The following PPP3CA variants were observed in gnomAD, a reference collection of about 807,000 sequenced individuals.
The protein encoded by PPP3CA is CAM-PRP catalytic subunit.
Under a neutral mutation model 66.5 loss-of-function variants are expected in PPP3CA, and 14 were observed. That is an observed-to-expected ratio of 0.21 (90% CI 0.14 to 0.33). PPP3CA has a LOEUF of 0.33. Among genes scored for constraint, PPP3CA ranks in the 10% least tolerant of loss-of-function variants. PPP3CA has a pLI of 1.00. For synonymous variants in PPP3CA, 232 were observed against 226.2 expected (o/e 1.03, Z -0.23); for missense variants, 317 against 639.5 (o/e 0.50, Z 5.44).
At position 101,293,272 on chromosome 4, in the gene PPP3CA, T is replaced by C. The variant is rs74382929; in HGVS notation, c.58+53467A>G. ...CTGCTTGCTCAATCACAGGTAATAA[T>C]ATTATCCCCCCTTTTCTGTCTTCCC... On this transcript the variant is annotated intron_variant, in intron 1 of 13. Coordinates refer to ENST00000394854, the MANE Select transcript of PPP3CA (RefSeq NM_000944.5). 3.3e-5 allele frequency among the ~76,000 whole-genome samples: 5 copies of C among 152,292 alleles called. No individual in the cohort carries two copies. In the East Asian group the frequency reaches 9.7e-4, roughly 29 times the overall value.
At chr4:101,331,972 C>A (rs17031172) in intron 1 of PPP3CA, among the ~76,000 whole-genome samples, 16,146 of 151,998 alleles carry the variant, frequency 0.11, 2,914 homozygotes, top group African/African-American at 0.37. Context: ...AATCCTAGTG[C>A]CAATGTGACA....
intron 1 of PPP3CA, among the ~76,000 whole-genome samples, chr4:101,236,567 GC>G (rs1726139094): frequency 6.6e-6 from 1 of 151,928 alleles, no homozygotes; most frequent in Admixed American, 6.6e-5. Context: ...AGAGCAAGGG[GC>G]AAGAATGGGA....
intron 1 of PPP3CA, among the ~76,000 whole-genome samples, chr4:101,340,327 T>C (rs1266331127): frequency 1.3e-5 from 2 of 152,168 alleles, no homozygotes; most frequent in African/African-American, 4.8e-5. Context: ...CAAAGTTCTA[T>C]TCCTCTCTAT....
chr4:101,325,013 G>C (rs1438217295), intron 1 of PPP3CA, among the ~76,000 whole-genome samples: 2 of 152,172 alleles, frequency 1.3e-5, no homozygotes, highest in African/African-American at 4.8e-5. Context: ...CACTTGGGAT[G>C]CTTGAAAAAC....
At chr4:101,105,254 C>T (rs903291901) in intron 3 of PPP3CA, among the ~76,000 whole-genome samples, 5 of 151,150 alleles carry the variant, frequency 3.3e-5, no homozygotes, top group Non-Finnish European at 4.4e-5. Flanking sequence ...GCAACCTCCG[C>T]CTCCTGGGTT....
rs192500415 is a variant in PPP3CA, at chr4:101,128,745, C to T, written c.260-19667G>A. On this transcript the variant is annotated intron_variant, in intron 2 of 13. Transcript: ENST00000394854. ...TACTACGCTTTCCCCACGGCCTTTG[C>T]GACCCATAAACCAAGAGATTCCCTC... is the stretch of plus-strand genomic sequence containing the variant. Among the ~76,000 whole-genome samples the T allele has an allele frequency of 2.3e-3, 353 of 152,204 alleles. 1 individual carries two copies. The highest frequency in any genetic ancestry group is 5.9e-3 in the Admixed American group (90 of 15,294).
At chr4:101,110,770 T>C (rs1721643268) in intron 2 of PPP3CA, among the ~76,000 whole-genome samples, 1 of 152,214 alleles carries the variant, frequency 6.6e-6, no homozygotes, top group African/African-American at 2.4e-5. Context: ...TAATCATATG[T>C]GATATCTAAA....
chr4:101,086,134 GA>G (rs1369745456), intron 6 of PPP3CA, among the ~76,000 whole-genome samples: 1 of 151,960 alleles, frequency 6.6e-6, no homozygotes, highest in East Asian at 1.9e-4. Flanking sequence ...AAAACACATT[GA>G]AGATAAAATA....
chr4:101,106,795 T>C (rs1487773432), intron 3 of PPP3CA, among the ~76,000 whole-genome samples: 1 of 152,162 alleles, frequency 6.6e-6, no homozygotes, highest in Non-Finnish European at 1.5e-5. Context: ...GATGTAGCCA[T>C]CTTGGGTTAC....
intron 2 of PPP3CA, among the ~76,000 whole-genome samples, chr4:101,117,274 T>C (rs1721865877): frequency 6.6e-6 from 1 of 151,900 alleles, no homozygotes; most frequent in South Asian, 2.1e-4. Context: ...TGTAATCAGA[T>C]GGAAACAAAA....
At chr4:101,270,618 G>A (rs892429275) in intron 1 of PPP3CA, among the ~76,000 whole-genome samples, 1 of 152,118 alleles carries the variant, frequency 6.6e-6, no homozygotes, top group African/African-American at 2.4e-5. Context: ...CATAATTAAA[G>A]TACATCTTCT....
At chr4:101,308,155 T>C (rs1728605384) in intron 1 of PPP3CA, among the ~76,000 whole-genome samples, 1 of 152,224 alleles carries the variant, frequency 6.6e-6, no homozygotes, top group Admixed American at 6.5e-5. Context: ...CATAGATTCA[T>C]ACAACAAATG....
At chr4:101,279,560 T>C (rs184823288) in intron 1 of PPP3CA, among the ~76,000 whole-genome samples, 65 of 152,312 alleles carry the variant, frequency 4.3e-4, no homozygotes, top group African/African-American at 1.5e-3. Context: ...TGGTTAATGC[T>C]GTATATAACT....
chr4:101,075,272 A>C (rs946018146), intron 8 of PPP3CA, among the ~76,000 whole-genome samples: 1 of 152,150 alleles, frequency 6.6e-6, no homozygotes, highest in Non-Finnish European at 1.5e-5. Context: ...AACTACTTTA[A>C]TATTGAATTG....
At chr4:101,109,771 A>C (rs372060414) in intron 2 of PPP3CA, among the ~76,000 whole-genome samples, 1 of 152,116 alleles carries the variant, frequency 6.6e-6, no homozygotes, top group East Asian at 1.9e-4. Context: ...ATACAAAAAA[A>C]ATTACTGGGA....
chr4:101,141,198 C>A (rs887958061), intron 2 of PPP3CA, among the ~76,000 whole-genome samples: 1 of 151,978 alleles, frequency 6.6e-6, no homozygotes, highest in Non-Finnish European at 1.5e-5. Flanking sequence ...GGTGAAACCC[C>A]GCCTCTACTA....
Position 101,330,242 on chromosome 4 carries a change from C to T in PPP3CA, c.58+16497G>A, listed in dbSNP as rs769729123. On this transcript the variant is annotated intron_variant, in intron 1 of 13. Coordinates refer to ENST00000394854, the MANE Select transcript of PPP3CA (RefSeq NM_000944.5). ...ATATGTGGTAGAAATATCAAGAGAACTAGAATTAAAAGTGAATCCTGAAGA... is the reference window on the plus strand; with the variant it reads ...ATATGTGGTAGAAATATCAAGAGAATTAGAATTAAAAGTGAATCCTGAAGA... 8.0e-5 allele frequency: 34 copies of T among 422,450 alleles called. No homozygotes were observed. The Middle Eastern group carries it at 2.1e-3, about 27-fold the overall frequency. 26.2% of individuals were successfully genotyped at this position (422,450 alleles called of 1,614,324 possible). A position where few individuals can be genotyped will look rare whatever the true frequency, so the allele number is the denominator to read the frequency against.
chr4:101,116,654 C>T (rs1240041890), intron 2 of PPP3CA, among the ~76,000 whole-genome samples: 1 of 151,788 alleles, frequency 6.6e-6, no homozygotes, highest in African/African-American at 2.4e-5. Context: ...CAGACAATTA[C>T]TCAGATAAAG....
intron 1 of PPP3CA, among the ~76,000 whole-genome samples, chr4:101,247,637 T>A (rs528961403): frequency 4.6e-5 from 7 of 152,182 alleles, no homozygotes; most frequent in Non-Finnish European, 1.0e-4. Context: ...TATACATATT[T>A]TTTCATTCAG....
Sources: allele counts gnomAD v4.1 joint callset (sites outside exome capture counted in the v4.1 genomes callset), GRCh38; gene constraint gnomAD v4.1.1; transcripts MANE v1.5; gene names NCBI Gene and HGNC (gene_info 2026-07-23, HGNC 2026-07-21).